The following ARHGEF11 variants were observed in gnomAD, a reference collection of about 807,000 sequenced individuals.
ARHGEF11 encodes the protein Rho guanine nucleotide exchange factor 11, also known as Rho guanine exchange factor (GEF) 11.
A neutral mutation model predicts 193.7 loss-of-function variants in ARHGEF11; 55 were observed. The observed-to-expected ratio is 0.28, with a 90% CI of 0.23 to 0.36. The LOEUF (loss-of-function observed/expected upper bound fraction) is 0.36. Among genes scored for constraint, ARHGEF11 ranks in the 10% least tolerant of loss-of-function variants. The probability of loss-of-function intolerance (pLI) is 1.00; values close to 1 mark genes in which losing one functional copy is unlikely to be tolerated. For missense variants in ARHGEF11, 1,723 were observed against 2,005.6 expected, an observed-to-expected ratio of 0.86 and a Z score of 2.69; for synonymous variants, 693 against 768.0, an observed-to-expected ratio of 0.90 and a Z score of 1.62.
chr1:156,959,125 T>C lies in ARHGEF11; in HGVS notation c.1300A>G (p.Ser434Gly). ...QAEIDSRLRN[S>G]EDARGVLCEA... ...CAGAGAACACCACGGGCATCTTCGCTGTTCCGCAGGCGCGAGTCTGTAGTG... is the reference window on the plus strand; with the variant it reads ...CAGAGAACACCACGGGCATCTTCGCCGTTCCGCAGGCGCGAGTCTGTAGTG... The change falls in exon 16 of 41, where the codon AGC becomes GGC. Residue 434 changes from serine (S) to glycine (G), a missense_variant. Ser to Gly is a moderately conservative substitution (Grantham distance 56, BLOSUM62 0). Around this residue, in one of 5 missense-constraint regions of ARHGEF11, gnomAD observed 646 missense variants for 710.7 expected, o/e 0.91. Transcript: ENST00000368194. 1 of 1,614,136 alleles carries C rather than the reference T, an allele frequency of 6.2e-7. No individual in the cohort carries two copies. Among genetic ancestry groups the C allele is most frequent in the Non-Finnish European group, 8.5e-7 (1 of 1,180,024 alleles).
intron 21 of ARHGEF11, 41 bp downstream of exon 21, chr1:156,954,851 T>C: frequency 1.3e-6 from 2 of 1,548,934 alleles, no homozygotes; most frequent in South Asian, 1.1e-5. Context: ...GGAAACTCAA[T>C]GCTAATGCAA....
Position 156,936,829 on chromosome 1 carries a change from G to A in ARHGEF11, c.4617C>T (p.Pro1539=), listed in dbSNP as rs138454533. The A allele has an allele frequency of 3.6e-5, 58 of 1,613,762 alleles. No homozygotes were observed. The highest frequency in any genetic ancestry group is 4.2e-5 in the Non-Finnish European group (50 of 1,179,880). Residue 1539 remains proline, a synonymous_variant, in exon 40 of 41, where the codon CCC becomes CCT. Transcript: ENST00000368194. Reference sequence around the variant, plus strand: ...GGCTTCACTCACCATCCTCAGGGCAGGGCCCCAGTTCATGGCTGTTCCTGG... The same window carrying A: ...GGCTTCACTCACCATCCTCAGGGCAAGGCCCCAGTTCATGGCTGTTCCTGG... ...SDSRNSHELG[P]CPEDGSDAPL... is the part of the protein sequence containing the mutation.
At position 156,963,513 on chromosome 1, in the gene ARHGEF11, C is replaced by T. The variant is rs745678724; in HGVS notation, c.1038+7G>A. Reference sequence around the variant, plus strand: ...ATGATGAAAGGAGAAAACTAGGAAACCGTTACCTCGTTGTTGAAATAACCC... The same window carrying T: ...ATGATGAAAGGAGAAAACTAGGAAATCGTTACCTCGTTGTTGAAATAACCC... On this transcript the variant is annotated splice_region_variant and intron_variant, in intron 12 of 40. Coordinates refer to ENST00000368194, the MANE Select transcript of ARHGEF11 (RefSeq NM_198236.3). 2 of 1,612,174 alleles carry T rather than the reference C, an allele frequency of 1.2e-6. No homozygotes were observed. The highest frequency in any genetic ancestry group is 3.4e-5 in the Admixed American group (2 of 59,574).
Position 156,962,368 on chromosome 1 carries a change from C to T in ARHGEF11, c.1141-593G>A, listed in dbSNP as rs565070925. Among the ~76,000 whole-genome samples, 3 of 152,276 alleles carry T rather than the reference C, an allele frequency of 2.0e-5. No individual in the cohort carries two copies. The South Asian group carries it at 6.2e-4, about 32-fold the overall frequency. ...GAATACAACCGCAACTCCTCTACTC[C>T]ATCTGCCCTCCCGTTCTAAGCAGTT... On this transcript the variant is annotated intron_variant, in intron 13 of 40. Transcript: ENST00000368194.
At chr1:156,945,828 C>T (rs1571180286) in intron 29 of ARHGEF11, 9 of 481,798 alleles carry the variant, frequency 1.9e-5, no homozygotes, top group Middle Eastern at 5.5e-4. Flanking sequence ...AGGTGGCCTT[C>T]GATGGTGGCC....
At chr1:156,936,497 A>AAATATATATAT (rs370282821) in intron 40 of ARHGEF11, among the ~76,000 whole-genome samples, 5 of 33,936 alleles carry the variant, frequency 1.5e-4, no homozygotes, top group African/African-American at 1.5e-4. Flanking sequence ...AAAAAAAAAA[A>AAATATATATAT]ATATATATAT....
At chr1:156,985,530 T>A (rs1557904687) in intron 2 of ARHGEF11, among the ~76,000 whole-genome samples, 1 of 152,090 alleles carries the variant, frequency 6.6e-6, no homozygotes, top group East Asian at 1.9e-4. Context: ...TTCAAGCAAT[T>A]CTCCTGCCTC....
rs564529528 is a variant in ARHGEF11 at position 156,936,647 on chromosome 1, G to A, written c.4630+169C>T. Among the ~76,000 whole-genome samples the A allele has an allele frequency of 6.0e-3, 911 of 151,708 alleles. 3 individuals carry two copies. Among genetic ancestry groups the A allele is most frequent in the Non-Finnish European group, 0.01 (701 of 67,904 alleles). ...CCCCATTTTGCCAGGGAGCTTCTGT[G>A]GGACTTCCCTAAAAAGATCCCTCTC... is the stretch of plus-strand genomic sequence containing the variant. On this transcript the variant is annotated intron_variant, in intron 40 of 40. Coordinates refer to ENST00000368194, the MANE Select transcript of ARHGEF11 (RefSeq NM_198236.3).
chr1:156,978,987 A>G (rs905901021), intron 5 of ARHGEF11, among the ~76,000 whole-genome samples: 3 of 152,226 alleles, frequency 2.0e-5, no homozygotes, highest in African/African-American at 7.2e-5. Context: ...TGTGGCAAAG[A>G]TGAGTGTGGG....
At chr1:157,046,405 T>A (rs899710083), upstream of ARHGEF11, among the ~76,000 whole-genome samples, 1 of 151,948 alleles carries the variant, frequency 6.6e-6, no homozygotes, top group African/African-American at 2.4e-5. Flanking sequence ...CCTCTTTGCG[T>A]CCACCGGCAT....
rs370727968 is a variant in ARHGEF11, at chr1:156,947,736, A to C, written c.2341+33T>G. 10 of 1,607,648 alleles carry C rather than the reference A, an allele frequency of 6.2e-6. No individual in the cohort carries two copies. In the East Asian group the frequency reaches 8.9e-5, roughly 14 times the overall value. Reference sequence around the variant, plus strand: ...TTCTGGACCTATTCCCACACGTGTGAGCGGAGCTGGGGGCAGTGGAGCACG... The same window carrying C: ...TTCTGGACCTATTCCCACACGTGTGCGCGGAGCTGGGGGCAGTGGAGCACG... On this transcript the variant is annotated intron_variant, in intron 25 of 40. Transcript: ENST00000368194.
At chr1:156,986,222 C>T in intron 1 of ARHGEF11, 49 bp from the exon 2 acceptor site, 1 of 1,516,274 alleles carries the variant, frequency 6.6e-7, no homozygotes, top group Non-Finnish European at 9.1e-7. Flanking sequence ...CAGGGGGGAT[C>T]AGCCTTGTAG....
rs1219708862 is a variant in ARHGEF11 at position 157,044,317 on chromosome 1, A to G, written c.14T>C (p.Leu5Ser). The G allele has an allele frequency of 5.6e-6, 9 of 1,613,528 alleles. No homozygotes were observed. Among genetic ancestry groups the G allele is most frequent in the Non-Finnish European group, 7.6e-6 (9 of 1,179,898 alleles). The change falls in exon 1 of 41, where the codon TTA (leucine) becomes TCA (serine). Residue 5 changes from leucine (L) to serine (S), a missense_variant. By Grantham distance (145) the Leu-to-Ser change is moderately radical. Coordinates refer to ENST00000368194, the MANE Select transcript of ARHGEF11 (RefSeq NM_198236.3). MSVR[L>S]PQSIDRLSSL... ...AACCTACCTGTCTATACTCTGGGGT[A>G]ACCTTACACTCATGGTTTCTCGGTG... is the stretch of plus-strand genomic sequence containing the variant.
Position 157,004,234 on chromosome 1 carries a change from G to A in ARHGEF11, c.33-18061C>T, listed in dbSNP as rs192166876. ...AGCATTTCAGAGCATACAACCTCTCGTTCAGTTCCAAAGGAAGGCCTTATA... is the reference window on the plus strand; with the variant it reads ...AGCATTTCAGAGCATACAACCTCTCATTCAGTTCCAAAGGAAGGCCTTATA... On this transcript the variant is annotated intron_variant, in intron 1 of 40. Coordinates refer to ENST00000368194, the MANE Select transcript of ARHGEF11 (RefSeq NM_198236.3). Among the ~76,000 whole-genome samples, 126 of 152,240 alleles carry A rather than the reference G, an allele frequency of 8.3e-4. 4 individuals carry two copies. In the East Asian group the frequency reaches 0.023, roughly 28 times the overall value.
At chr1:156,982,830 A>T (rs1206793599) in intron 3 of ARHGEF11, among the ~76,000 whole-genome samples, 1 of 152,132 alleles carries the variant, frequency 6.6e-6, no homozygotes, top group Non-Finnish European at 1.5e-5. Flanking sequence ...GCAAATAATA[A>T]AACTATCTTT....
chr1:156,957,879 G>C, intron 17 of ARHGEF11, 64 bp from the exon 18 acceptor site: 1 of 1,560,848 alleles, frequency 6.4e-7, no homozygotes, highest in Admixed American at 1.7e-5. Context: ...CCTGGTTAGA[G>C]GCTAGGAGGA....
rs1481136999 is a variant in ARHGEF11, at chr1:156,948,509, G to A, written c.1926-11C>T. 3.1e-6 allele frequency: 5 copies of A among 1,614,194 alleles called. No homozygotes were observed. In the South Asian group the frequency reaches 4.4e-5, roughly 14 times the overall value. ...ATCTCTGAGCGTGAACTGGGGGGAA[G>A]GGACAAAAGACTTTGGGACTTGGGA... is the stretch of plus-strand genomic sequence containing the variant. On this transcript the variant is annotated splice_polypyrimidine_tract_variant and intron_variant, in intron 22 of 40. Coordinates refer to ENST00000368194, the MANE Select transcript of ARHGEF11 (RefSeq NM_198236.3). The surrounding 1 kb of genome is among the most constrained non-coding windows in gnomAD (Gnocchi z 4.2).
chr1:156,944,125 A>G (rs758971761), intron 31 of ARHGEF11, 23 bp from the exon 32 acceptor site: 5 of 1,609,042 alleles, frequency 3.1e-6, no homozygotes, highest in Non-Finnish European at 4.2e-6. Context: ...GGTCATGGGA[A>G]GGTGTTCCCT....
Position 157,042,989 on chromosome 1 carries a change from G to A in ARHGEF11, c.32+1310C>T, listed in dbSNP as rs139942580. On this transcript the variant is annotated intron_variant, in intron 1 of 40. Transcript: ENST00000368194. ...AGGAGGAAGGAGGTCTGAACTGGCC[G>A]TACATCCTTTGTGGCTGTCTGCCTC... 3.9e-5 allele frequency among the ~76,000 whole-genome samples: 6 copies of A among 152,248 alleles called. No individual in the cohort carries two copies. The East Asian group carries it at 9.7e-4, about 25-fold the overall frequency.
Sources: allele counts gnomAD v4.1 joint callset (sites outside exome capture counted in the v4.1 genomes callset), GRCh38; gene constraint gnomAD v4.1.1; regional missense constraint gnomAD v4.1.1; non-coding constraint Gnocchi (gnomAD v3.1); transcripts MANE v1.5; gene names NCBI Gene and HGNC (gene_info 2026-07-23, HGNC 2026-07-21).